Variants in BRF1 observed in about 807,000 individuals in gnomAD.
The protein encoded by BRF1 is transcription factor IIIB 90 kDa subunit.
Under a neutral mutation model 81.7 loss-of-function variants are expected in BRF1, and 59 were observed. The observed-to-expected ratio is 0.72, with a 90% CI of 0.59 to 0.90. BRF1 has a LOEUF of 0.90. Among genes scored for constraint, BRF1 ranks in the 40% least tolerant of loss-of-function variants. The probability of loss-of-function intolerance (pLI) is 0.00; values close to 1 mark genes in which losing one functional copy is unlikely to be tolerated. For synonymous variants in BRF1, 491 were observed against 395.6 expected, an observed-to-expected ratio of 1.24 and a Z score of -2.86; for missense variants, 1,050 against 936.3, an observed-to-expected ratio of 1.12 and a Z score of -1.58.
chr14:105,259,981 G>A (rs907308560), intron 3 of BRF1, among the ~76,000 whole-genome samples: 6 of 152,192 alleles, frequency 3.9e-5, no homozygotes, highest in Non-Finnish European at 8.8e-5. Context: ...TCTAGAACAG[G>A]CACAACTGGT....
Position 105,228,815 on chromosome 14 carries a change from C to G in BRF1, c.788+5G>C. ...GTCCCCATGCCATGAATGAGAGCCC[C>G]TCACCTCTTCCGCAGCGTGGACTCA... is the stretch of plus-strand genomic sequence containing the variant. On this transcript the variant is annotated splice_donor_5th_base_variant and intron_variant, in intron 7 of 17. Transcript: ENST00000547530. 6.2e-7 allele frequency: 1 copy of G among 1,613,798 alleles called. No homozygotes were observed.
chr14:105,250,597 C>G (rs774148987), intron 5 of BRF1: 2 of 1,614,070 alleles, frequency 1.2e-6, no homozygotes, highest in South Asian at 2.2e-5. Flanking sequence ...CCTTCCAGTT[C>G]CAGTGCTCCT....
intron 2 of BRF1, among the ~76,000 whole-genome samples, chr14:105,273,213 G>T (rs587697065): frequency 2.6e-5 from 4 of 152,300 alleles, no homozygotes; most frequent in African/African-American, 7.2e-5. Context: ...CTTGGTTTGG[G>T]CTGGCTGGCA....
chr14:105,287,413 C>T (rs1255064772), intron 1 of BRF1, among the ~76,000 whole-genome samples: 2 of 152,246 alleles, frequency 1.3e-5, no homozygotes, highest in East Asian at 3.9e-4. Flanking sequence ...CTGGAAAGTG[C>T]CCCCCGCCCC....
intron 1 of BRF1, among the ~76,000 whole-genome samples, chr14:105,306,412 T>C (rs587677954): frequency 6.6e-6 from 1 of 152,300 alleles, no homozygotes; most frequent in African/African-American, 2.4e-5. Context: ...CAAGCGATTC[T>C]CCTGCCTCAG....
intron 7 of BRF1, 133 bp downstream of exon 7, chr14:105,228,687 G>T (rs2054210641): frequency 2.1e-6 from 2 of 975,098 alleles, no homozygotes; most frequent in Non-Finnish European, 3.1e-6. Context: ...ACCGGGGCTG[G>T]GCTAGGTCCT....
At chr14:105,286,633 T>C (rs1288342495) in intron 1 of BRF1, among the ~76,000 whole-genome samples, 1 of 150,608 alleles carries the variant, frequency 6.6e-6, no homozygotes, top group Non-Finnish European at 1.5e-5. Context: ...TGAGACGGAG[T>C]CTCCCTCTGT....
chr14:105,273,410 C>A (rs76126093), intron 2 of BRF1, among the ~76,000 whole-genome samples: 3,916 of 152,310 alleles, frequency 0.026, 123 homozygotes, highest in African/African-American at 0.073. Context: ...AGCCACCCGG[C>A]CTGAGAAAAA....
rs587704202 is a variant in BRF1 at position 105,226,210 on chromosome 14, C to T, written c.955+41G>A. On this transcript the variant is annotated intron_variant, in intron 9 of 17. Transcript: ENST00000547530. ...AAAGTCAGCATAAAATCAATTTTCCCAACAAAACAGAAGCATTACATGGGA... is the reference window on the plus strand; with the variant it reads ...AAAGTCAGCATAAAATCAATTTTCCTAACAAAACAGAAGCATTACATGGGA... 1.1e-4 allele frequency: 171 copies of T among 1,613,988 alleles called. No individual in the cohort carries two copies. In the East Asian group the frequency reaches 3.1e-3, roughly 29 times the overall value.
chr14:105,219,390 CG>C, intron 12 of BRF1, 158 bp from the exon 13 acceptor site: 3 of 1,437,116 alleles, frequency 2.1e-6, no homozygotes, highest in South Asian at 1.4e-5. Flanking sequence ...CCTCATCGCG[CG>C]GGGCGAGTTG....
At chr14:105,266,042 GC>G (rs1468260632) in intron 3 of BRF1, among the ~76,000 whole-genome samples, 2 of 152,070 alleles carry the variant, frequency 1.3e-5, no homozygotes, top group African/African-American at 4.8e-5. Flanking sequence ...CTGCACTCCA[GC>G]CTGGGTGAGG....
At chr14:105,248,419 T>TGCACAGC in intron 5 of BRF1, 1 of 985,316 alleles carries the variant, frequency 1.0e-6, no homozygotes, top group South Asian at 4.7e-5. Flanking sequence ...CGGCTACCTC[T>TGCACAGC]GCACAGCGCG....
chr14:105,222,006 C>A, intron 10 of BRF1, 92 bp from the exon 11 acceptor site: 1 of 1,455,268 alleles, frequency 6.9e-7, no homozygotes, highest in Non-Finnish European at 9.1e-7. Context: ...GCCAGGTAAC[C>A]CATAGAACGG....
intron 5 of BRF1, chr14:105,252,252 A>C: frequency 3.8e-6 from 2 of 523,674 alleles, no homozygotes; most frequent in Non-Finnish European, 4.9e-6. Flanking sequence ...AGGCACGAGG[A>C]TCACTTGAGG....
At position 105,273,800 on chromosome 14, in the gene BRF1, A is replaced by G. The variant is rs1047333039; in HGVS notation, c.266-906T>C. Among the ~76,000 whole-genome samples, 11 of 152,346 alleles carry G rather than the reference A, an allele frequency of 7.2e-5. 1 individual carries two copies. In the South Asian group the frequency reaches 2.1e-3, roughly 29 times the overall value. On this transcript the variant is annotated intron_variant, in intron 2 of 17. Coordinates refer to ENST00000547530, the MANE Select transcript of BRF1 (RefSeq NM_001519.4). ...AAGCTGCAGGGACCTCTGCCCTGGA[A>G]AGCCGGGTATTGTCCACGGTTTCTC...
At chr14:105,219,958 G>T in intron 12 of BRF1, 111 bp downstream of exon 12, 1 of 1,161,490 alleles carries the variant, frequency 8.6e-7, no homozygotes, top group Non-Finnish European at 1.3e-6. Context: ...CACCCAGCGG[G>T]GTGGGCTCTG....
rs973526944 is a variant in BRF1 at position 105,258,890 on chromosome 14, A to G, written c.440-2341T>C. ...CAACAGAAGCTTCATGAAGACAAAA[A>G]AAAATAGCCAACAAGCACATGAAAA... On this transcript the variant is annotated intron_variant, in intron 3 of 17. Transcript: ENST00000547530. Among the ~76,000 whole-genome samples, 50 of 152,362 alleles carry G rather than the reference A, an allele frequency of 3.3e-4. 1 individual carries two copies. The Middle Eastern group carries it at 0.024, about 73-fold the overall frequency.
intron 2 of BRF1, 36 bp downstream of exon 2, chr14:105,286,260 C>G: frequency 6.3e-7 from 1 of 1,589,412 alleles, no homozygotes; most frequent in Non-Finnish European, 8.6e-7. Flanking sequence ...CTCTGGGACC[C>G]GCCGCACGCT....
At position 105,315,045 on chromosome 14, in the gene BRF1, C is replaced by G; in HGVS notation, c.-162+277G>C. ...CCCCAGCTGCGTGCCCAGGTACGCGCCGCCCGCCGCGCTTTGTTCCCGCCG... is the reference window on the plus strand; with the variant it reads ...CCCCAGCTGCGTGCCCAGGTACGCGGCGCCCGCCGCGCTTTGTTCCCGCCG... On this transcript the variant is annotated intron_variant, in intron 1 of 17. Transcript: ENST00000327359. The surrounding 1 kb of genome is among the most constrained non-coding windows in gnomAD (Gnocchi z 4.4). 1 of 1,173,250 alleles carries G rather than the reference C, an allele frequency of 8.5e-7. No homozygotes were observed. The highest frequency in any genetic ancestry group is 1.1e-6 in the Non-Finnish European group (1 of 940,636). The allele number at this position is 1,173,250 out of a possible 1,614,324, so 72.7% of individuals were successfully genotyped here.
Sources: allele counts gnomAD v4.1 joint callset (sites outside exome capture counted in the v4.1 genomes callset), GRCh38; gene constraint gnomAD v4.1.1; non-coding constraint Gnocchi (gnomAD v3.1); transcripts MANE v1.5; gene names NCBI Gene and HGNC (gene_info 2026-07-23, HGNC 2026-07-21).